Variants in PCDHA4 observed in about 807,000 individuals in gnomAD.
PCDHA4 encodes protocadherin alpha 4.
A neutral mutation model predicts 61.4 loss-of-function variants in PCDHA4; 49 were observed. The ratio of observed to expected loss-of-function variants is 0.80; its 90% CI spans 0.63 to 1.01. The LOEUF is 1.01. Among genes scored for constraint, PCDHA4 ranks in the 50% least tolerant of loss-of-function variants. The pLI, the probability that PCDHA4 is intolerant of heterozygous loss-of-function variation, is 0.00. For synonymous variants in PCDHA4, 590 were observed against 550.3 expected (o/e 1.07, Z -1.01); for missense variants, 1,254 against 1,235.8 (o/e 1.01, Z -0.22).
At chr5:140,872,573 C>T (rs1400699707) in intron 1 of PCDHA4, among the ~76,000 whole-genome samples, 1 of 152,068 alleles carries the variant, frequency 6.6e-6, no homozygotes, top group African/African-American at 2.4e-5. Flanking sequence ...GCTGCAGTGA[C>T]CTATCATCGT....
chr5:140,842,484 C>T (rs2150337219), intron 1 of PCDHA4: 2 of 1,613,924 alleles, frequency 1.2e-6, no homozygotes, highest in East Asian at 2.2e-5. Context: ...GTGACCTGCT[C>T]CCTGATGCCC....
intron 1 of PCDHA4, among the ~76,000 whole-genome samples, chr5:140,909,761 TC>T (rs1308608657): frequency 1.3e-5 from 2 of 152,052 alleles, no homozygotes; most frequent in Admixed American, 6.5e-5. Context: ...ACAGGATGAG[TC>T]CAGGGACCCA....
rs149711844 is a variant in PCDHA4 at position 140,884,286 on chromosome 5, G to T, written c.2385+74714G>T. On this transcript the variant is annotated intron_variant, in intron 1 of 3. Coordinates refer to ENST00000530339, the MANE Select transcript of PCDHA4 (RefSeq NM_018907.4). ...GTGCTGTTGTCGCTGGTGGAGAGCG[G>T]CCAAGCGCCACAGGCTTCGTCGAGG... 1.6e-4 allele frequency: 258 copies of T among 1,613,626 alleles called. No individual in the cohort carries two copies. The highest frequency in any genetic ancestry group is 2.1e-4 in the Non-Finnish European group (242 of 1,179,820).
chr5:140,942,439 A>G (rs1554214983), intron 1 of PCDHA4, among the ~76,000 whole-genome samples: 1 of 152,082 alleles, frequency 6.6e-6, no homozygotes, highest in Non-Finnish European at 1.5e-5. Flanking sequence ...AACAATAAAC[A>G]AGTAAACTAT....
At chr5:140,967,754 T>G (rs782221420) in intron 1 of PCDHA4, 16 of 1,614,164 alleles carry the variant, frequency 9.9e-6, no homozygotes, top group South Asian at 7.7e-5. Flanking sequence ...GGAAGCCTCC[T>G]CCTACCAGAT....
intron 3 of PCDHA4, among the ~76,000 whole-genome samples, chr5:140,993,652 T>C (rs1174007185): frequency 6.6e-6 from 1 of 152,172 alleles, no homozygotes; most frequent in Admixed American, 6.5e-5. Flanking sequence ...AATGACACTT[T>C]GGTTAACAAT....
chr5:140,823,863 C>T, intron 1 of PCDHA4: 1 of 1,613,882 alleles, frequency 6.2e-7, no homozygotes, highest in Non-Finnish European at 8.5e-7. Context: ...TGGATGTCAA[C>T]GTGTACCTGA....
Position 140,809,080 on chromosome 5 carries a change from C to A in PCDHA4, c.1893C>A (p.Ile631=), listed in dbSNP as rs564951591. Residue 631 remains isoleucine (I), a synonymous_variant, in exon 1 of 4, where the codon ATC becomes ATA. Coordinates refer to ENST00000530339, the MANE Select transcript of PCDHA4 (RefSeq NM_018907.4). ...GCGTGGGGCTGTACACTGGCGAGAT[C>A]AGCACAACGCGTGCCCTGGACGAAA... ...PFRVGLYTGE[I]STTRALDETD... is the part of the protein sequence containing the mutation. The A allele has an allele frequency of 1.8e-4, 290 of 1,613,954 alleles. No individual in the cohort carries two copies. In the East Asian group the frequency reaches 5.6e-3, roughly 31 times the overall value.
intron 1 of PCDHA4, among the ~76,000 whole-genome samples, chr5:140,855,303 A>C (rs1045706471): frequency 6.7e-6 from 1 of 149,854 alleles, no homozygotes; most frequent in Admixed American, 6.7e-5. Context: ...CAAAGTTATA[A>C]AATTGGAACA....
chr5:140,939,967 C>T (rs527732118), intron 1 of PCDHA4, among the ~76,000 whole-genome samples: 8 of 152,210 alleles, frequency 5.3e-5, no homozygotes, highest in African/African-American at 1.7e-4. Context: ...AAGTGTTCCA[C>T]GATGAATAGT....
chr5:140,906,438 G>T (rs1264031299), intron 1 of PCDHA4, among the ~76,000 whole-genome samples: 1 of 152,016 alleles, frequency 6.6e-6, no homozygotes, highest in Non-Finnish European at 1.5e-5. Context: ...TGATAAACAA[G>T]AAAGGAAATA....
intron 1 of PCDHA4, among the ~76,000 whole-genome samples, chr5:140,939,849 G>A (rs1554212970): frequency 6.6e-6 from 1 of 152,134 alleles, no homozygotes; most frequent in Non-Finnish European, 1.5e-5. Context: ...GTTGTGTTCT[G>A]TATATGTCCA....
chr5:140,906,822 T>C (rs2072968102), intron 1 of PCDHA4, among the ~76,000 whole-genome samples: 1 of 152,142 alleles, frequency 6.6e-6, no homozygotes, highest in African/African-American at 2.4e-5. Context: ...CACTGTGGAG[T>C]AGTAGACTGA....
At chr5:140,832,391 G>A (rs2150201447) in intron 1 of PCDHA4, among the ~76,000 whole-genome samples, 3 of 152,134 alleles carry the variant, frequency 2.0e-5, no homozygotes, top group East Asian at 1.9e-4. Flanking sequence ...GGCAGAAACT[G>A]GTAGTGGTAT....
chr5:140,932,222 A>T (rs2088129167), intron 1 of PCDHA4, among the ~76,000 whole-genome samples: 1 of 151,870 alleles, frequency 6.6e-6, no homozygotes, highest in African/African-American at 2.4e-5. Flanking sequence ...GGCAATTTAA[A>T]TTTTTTAGAA....
intron 1 of PCDHA4, chr5:140,927,831 G>T: frequency 6.2e-7 from 1 of 1,614,186 alleles, no homozygotes; most frequent in Non-Finnish European, 8.5e-7. Flanking sequence ...TTGAGGCGAG[G>T]GACGAAGGTG....
intron 1 of PCDHA4, chr5:140,930,518 T>G (rs782236970): frequency 3.3e-5 from 5 of 152,592 alleles, no homozygotes; most frequent in Non-Finnish European, 5.9e-5. Flanking sequence ...CCACTGCAGC[T>G]GGCCCTCAAA....
At chr5:140,886,852 G>T (rs1554182787) in intron 1 of PCDHA4, among the ~76,000 whole-genome samples, 1 of 146,470 alleles carries the variant, frequency 6.8e-6, no homozygotes, top group Non-Finnish European at 1.5e-5. Flanking sequence ...AAAAAAGAAA[G>T]GTCTTCCCAA....
chr5:141,009,874 G>A lies in PCDHA4; in HGVS notation c.2781G>A (p.Lys927=), dbSNP rs1554262519. The A allele has an allele frequency of 6.2e-7, 1 of 1,613,836 alleles. No individual in the cohort carries two copies. Among genetic ancestry groups the A allele is most frequent in the African/African-American group, 1.3e-5 (1 of 74,824 alleles). ...CCAAGAAAAAGAAGAAAAAGAAGAA[G>A]GGTAACAAGACCCAGGAGAAAAAAG... ...EETKKKKKKK[K]GNKTQEKKEK... is the part of the protein sequence containing the mutation. Residue 927 remains lysine, a synonymous_variant, in exon 4 of 4, where the codon AAG becomes AAA. Transcript: ENST00000530339.
Sources: gnomAD v4.1 joint callset for allele counts (sites outside exome capture counted in the v4.1 genomes callset) on GRCh38, gnomAD v4.1.1 for gene constraint, MANE v1.5 for transcripts, NCBI Gene and HGNC (gene_info 2026-07-23, HGNC 2026-07-21) for gene names.